The following MGAT4C variants were observed in gnomAD, a reference collection of about 807,000 sequenced individuals.
MGAT4C encodes the protein MGAT4 family member C, also known as alpha-1,3-mannosyl-glycoprotein 4-beta-N-acetylglucosaminyltransferase C.
MGAT4C carries 19 observed loss-of-function variants against 40.1 expected under a neutral mutation model. The ratio of observed to expected loss-of-function variants is 0.47; its 90% confidence interval spans 0.33 to 0.70. The LOEUF (loss-of-function observed/expected upper bound fraction) is 0.70, where lower values mean the gene tolerates loss of function less well. MGAT4C is among the 30% of genes least tolerant of loss of function. The pLI, the probability that MGAT4C is intolerant of heterozygous loss-of-function variation, is 0.02. For synonymous variants in MGAT4C, 181 were observed against 187.1 expected (o/e 0.97, Z 0.27); for missense variants, 491 against 563.2 (o/e 0.87, Z 1.30).
chr12:86,085,844 C>T (rs568962745), intron 1 of MGAT4C, among the ~76,000 whole-genome samples: 15 of 152,112 alleles, frequency 9.9e-5, no homozygotes, highest in African/African-American at 3.6e-4. Flanking sequence ...AATGAGATAC[C>T]ATTTCATGAC....
intron 2 of MGAT4C, among the ~76,000 whole-genome samples, chr12:86,710,759 C>T (rs891473584): frequency 1.3e-5 from 2 of 152,074 alleles, no homozygotes; most frequent in African/African-American, 2.4e-5. Context: ...CAGCACAATT[C>T]GCAATTGCAA....
Position 86,530,703 on chromosome 12 carries a change from A to T in MGAT4C, c.-228-95438T>A, listed in dbSNP as rs111258138. Among the ~76,000 whole-genome samples the T allele has an allele frequency of 3.4e-3, 511 of 152,132 alleles. 1 individual carries two copies. The highest frequency in any genetic ancestry group is 0.012 in the African/African-American group (494 of 41,564). On this transcript the variant is annotated intron_variant, in intron 2 of 7. Coordinates refer to the MGAT4C transcript ENST00000548651. ...AAAAGCAATATAGTAGCCTGAACAA[A>T]TCCATATAACATAAACAATTTGTTC...
intron 1 of MGAT4C, among the ~76,000 whole-genome samples, chr12:86,110,101 G>C (rs1876963764): frequency 6.7e-6 from 1 of 150,176 alleles, no homozygotes; most frequent in South Asian, 2.1e-4. Context: ...ATAATAGACA[G>C]TCAGGGAGGA....
chr12:86,353,457 A>G (rs17289178), intron 3 of MGAT4C, among the ~76,000 whole-genome samples: 13,976 of 152,264 alleles, frequency 0.092, 799 homozygotes, highest in Middle Eastern at 0.22. Flanking sequence ...CCTGAATCCA[A>G]TAAATGTGCA....
chr12:86,779,037 T>C (rs183627276), intron 1 of MGAT4C, among the ~76,000 whole-genome samples: 3 of 151,532 alleles, frequency 2.0e-5, no homozygotes, highest in African/African-American at 7.2e-5. Context: ...ACTGTTATTT[T>C]TCTTGAAGGG....
rs574337555 is a variant in MGAT4C at position 86,203,993 on chromosome 12, T to C, written c.-57+52246A>G. Among the ~76,000 whole-genome samples the C allele has an allele frequency of 4.0e-5, 6 of 148,682 alleles. No individual in the cohort carries two copies. In the South Asian group the frequency reaches 1.3e-3, roughly 31 times the overall value. The stretch of plus-strand genomic sequence containing the variant: ...AAAAAGAAATATATATATATATATA[T>C]GCCTTATAGCTAACTTCTAGAGTAA... On this transcript the variant is annotated intron_variant, in intron 1 of 4. Transcript: ENST00000611864.
intron 4 of MGAT4C, among the ~76,000 whole-genome samples, chr12:86,273,624 G>A (rs925790342): frequency 6.6e-6 from 1 of 152,034 alleles, no homozygotes; most frequent in Non-Finnish European, 1.5e-5. Context: ...GTCACAATGT[G>A]GAAATTCATC....
At chr12:86,286,045 CTTTA>C (rs1034018081) in intron 4 of MGAT4C, among the ~76,000 whole-genome samples, 1 of 151,946 alleles carries the variant, frequency 6.6e-6, no homozygotes, top group Non-Finnish European at 1.5e-5. Context: ...TATTGTTTCT[CTTTA>C]TTTTTCTTTT....
intron 4 of MGAT4C, among the ~76,000 whole-genome samples, chr12:86,271,137 A>G (rs2136107860): frequency 6.6e-6 from 1 of 152,326 alleles, no homozygotes; most frequent in South Asian, 2.1e-4. Flanking sequence ...TCAAAAGCAC[A>G]AGCAACAAAA....
At chr12:86,139,035 C>T (rs1031752614) in intron 1 of MGAT4C, among the ~76,000 whole-genome samples, 1 of 152,058 alleles carries the variant, frequency 6.6e-6, no homozygotes, top group Non-Finnish European at 1.5e-5. Flanking sequence ...TTCCTGGGTC[C>T]TCATGACTTC....
At chr12:86,777,071 T>TA in intron 1 of MGAT4C, among the ~76,000 whole-genome samples, 1 of 152,288 alleles carries the variant, frequency 6.6e-6, no homozygotes, top group Middle Eastern at 3.4e-3. Flanking sequence ...AAGACTAATA[T>TA]AAAAAATTCA....
chr12:86,424,377 G>T (rs1956885876), intron 3 of MGAT4C, among the ~76,000 whole-genome samples: 1 of 152,044 alleles, frequency 6.6e-6, no homozygotes, highest in African/African-American at 2.4e-5. Flanking sequence ...CCTCTCTTAT[G>T]TTTTATTCAG....
chr12:86,046,547 A>G (rs534152657), intron 2 of MGAT4C, among the ~76,000 whole-genome samples: 1 of 152,296 alleles, frequency 6.6e-6, no homozygotes, highest in Admixed American at 6.5e-5. Context: ...AGATGAGTCA[A>G]GTCCAGCCCA....
chr12:86,791,347 C>A (rs999505847), intron 1 of MGAT4C, among the ~76,000 whole-genome samples: 8 of 151,796 alleles, frequency 5.3e-5, no homozygotes, highest in African/African-American at 1.7e-4. Context: ...TTGGAAAGGA[C>A]CAGATATCAT....
chr12:86,481,230 T>C (rs368170092), intron 2 of MGAT4C, among the ~76,000 whole-genome samples: 25 of 152,228 alleles, frequency 1.6e-4, no homozygotes, highest in African/African-American at 6.0e-4. Flanking sequence ...AATGTACAGC[T>C]TTCTTTTATA....
chr12:86,243,197 T>C (rs1330567494), intron 1 of MGAT4C, among the ~76,000 whole-genome samples: 1 of 152,240 alleles, frequency 6.6e-6, no homozygotes, highest in African/African-American at 2.4e-5. Context: ...GCTCCAATAA[T>C]CAATTTTTCT....
At chr12:86,357,704 T>G (rs1356040997) in intron 3 of MGAT4C, among the ~76,000 whole-genome samples, 3 of 152,150 alleles carry the variant, frequency 2.0e-5, no homozygotes, top group Non-Finnish European at 4.4e-5. Context: ...GTAGCCTATT[T>G]GATCAAGTGG....
At position 86,638,306 on chromosome 12, in the gene MGAT4C, C is replaced by CTTT. The variant is rs1293722870; in HGVS notation, c.-229+88900_-229+88902dup. Among the ~76,000 whole-genome samples, 5 of 151,748 alleles carry CTTT rather than the reference C, an allele frequency of 3.3e-5. No homozygotes were observed. The East Asian group carries it at 9.7e-4, about 30-fold the overall frequency. On this transcript the variant is annotated intron_variant, in intron 2 of 7. Transcript: ENST00000548651. ...AGCAGGCACTTTCCTATGAGAAAGG[C>CTTT]TTTTAGACATTACCCTGGACAGCTG...
intron 1 of MGAT4C, among the ~76,000 whole-genome samples, chr12:86,768,554 C>T (rs1162685322): frequency 4.0e-5 from 6 of 151,394 alleles, no homozygotes; most frequent in African/African-American, 4.9e-5. Context: ...GAGCCTGCAT[C>T]GCCAAGTCAA....
Sources: gnomAD v4.1 joint callset for allele counts (sites outside exome capture counted in the v4.1 genomes callset) on GRCh38, gnomAD v4.1.1 for gene constraint, MANE v1.5 for transcripts, NCBI Gene and HGNC (gene_info 2026-07-23, HGNC 2026-07-21) for gene names.